DCBLD2: variants seen among roughly 807,000 people sequenced by gnomAD.
The protein encoded by DCBLD2 is discoidin, CUB and LCCL domain-containing protein 2.
A neutral mutation model predicts 86.8 loss-of-function variants in DCBLD2; 54 were observed. That is an observed-to-expected ratio of 0.62 (90% CI 0.50 to 0.78). DCBLD2 has a LOEUF of 0.78. DCBLD2 is among the 30% of genes least tolerant of loss of function. The probability of loss-of-function intolerance (pLI) is 0.00; values close to 1 mark genes in which losing one functional copy is unlikely to be tolerated. For synonymous variants in DCBLD2, 354 were observed against 341.3 expected (o/e 1.04, Z -0.41); for missense variants, 908 against 954.2 (o/e 0.95, Z 0.64).
intron 2 of DCBLD2, among the ~76,000 whole-genome samples, chr3:98,861,235 G>A (rs536653280): frequency 1.3e-5 from 2 of 152,190 alleles, no homozygotes; most frequent in South Asian, 2.1e-4. Flanking sequence ...CAAGTCCTTA[G>A]AGATCTACAA....
Position 98,901,243 on chromosome 3 carries a change from G to A in DCBLD2, c.84C>T (p.Ala28=), listed in dbSNP as rs779045400. The A allele has an allele frequency of 3.3e-6, 5 of 1,534,086 alleles. No individual in the cohort carries two copies. Among genetic ancestry groups the A allele is most frequent in the Non-Finnish European group, 3.5e-6 (4 of 1,146,238 alleles). ...GGAGGGAGCGGGAGAGGGGGAGCGC[G>A]GCCCAGGCGGGGGCGGCGGCCGCGG... The part of the protein sequence containing the change: ...VRAAAAAPAW[A]ALPLSRSLPP... Residue 28 remains alanine (A), a synonymous_variant, in exon 1 of 16, where the codon GCC becomes GCT. Coordinates refer to ENST00000326840, the MANE Select transcript of DCBLD2 (RefSeq NM_080927.4).
chr3:98,876,362 A>C (rs973339066), intron 2 of DCBLD2, among the ~76,000 whole-genome samples: 1 of 146,812 alleles, frequency 6.8e-6, no homozygotes, highest in Admixed American at 7.0e-5. Flanking sequence ...CTTTAAAAAT[A>C]AAAAAAAACT....
chr3:98,828,373 G>A (rs1057073347), intron 3 of DCBLD2, among the ~76,000 whole-genome samples: 4 of 151,982 alleles, frequency 2.6e-5, no homozygotes, highest in Non-Finnish European at 5.9e-5. Context: ...AAAAGACAAA[G>A]GAACCAATTT....
chr3:98,826,476 T>G (rs994121899), intron 3 of DCBLD2, among the ~76,000 whole-genome samples: 5 of 152,228 alleles, frequency 3.3e-5, no homozygotes, highest in Admixed American at 2.0e-4. Flanking sequence ...TCAAATTCCT[T>G]TAGCACACAG....
At chr3:98,800,005 C>T (rs540764934) in intron 15 of DCBLD2, among the ~76,000 whole-genome samples, 164 bp from the exon 16 acceptor site, 1 of 152,310 alleles carries the variant, frequency 6.6e-6, no homozygotes, top group South Asian at 2.1e-4. Context: ...ATTAAACATA[C>T]TGTCTAGTAC....
intron 5 of DCBLD2, 136 bp from the exon 6 acceptor site, chr3:98,822,497 T>C: frequency 7.7e-7 from 1 of 1,291,334 alleles, no homozygotes; most frequent in Admixed American, 2.8e-5. Context: ...AGATTATTGG[T>C]ACTGTAACAC....
intron 3 of DCBLD2, among the ~76,000 whole-genome samples, chr3:98,847,967 T>G (rs999354670): frequency 2.0e-4 from 31 of 152,324 alleles, no homozygotes; most frequent in African/African-American, 5.8e-4. Context: ...TTTATTCTAT[T>G]TGATAATCTT....
chr3:98,847,459 A>G (rs1301211724), intron 3 of DCBLD2, among the ~76,000 whole-genome samples: 1 of 152,130 alleles, frequency 6.6e-6, no homozygotes, highest in African/African-American at 2.4e-5. Flanking sequence ...TTTCCTTCTC[A>G]TTTACTATGA....
intron 1 of DCBLD2, among the ~76,000 whole-genome samples, chr3:98,888,966 T>C (rs1252150734): frequency 6.6e-6 from 1 of 152,028 alleles, no homozygotes; most frequent in Non-Finnish European, 1.5e-5. Flanking sequence ...TCAGCTCTCT[T>C]ACACCCACTG....
At chr3:98,879,487 C>G (rs1304613121) in intron 2 of DCBLD2, among the ~76,000 whole-genome samples, 1 of 151,854 alleles carries the variant, frequency 6.6e-6, no homozygotes, top group Non-Finnish European at 1.5e-5. Context: ...CCCGGGTTCA[C>G]GCCATTCTCC....
At chr3:98,818,456 G>C (rs551074972) in intron 8 of DCBLD2, among the ~76,000 whole-genome samples, 35 of 152,240 alleles carry the variant, frequency 2.3e-4, no homozygotes, top group Non-Finnish European at 1.5e-5. Flanking sequence ...CTTAAAAAAA[G>C]AGTCTCATTA....
intron 1 of DCBLD2, among the ~76,000 whole-genome samples, chr3:98,900,510 C>T (rs1559805010): frequency 6.6e-6 from 1 of 151,886 alleles, no homozygotes; most frequent in East Asian, 1.9e-4. Flanking sequence ...TCTGGAAAGG[C>T]TTACCTTTTT....
intron 3 of DCBLD2, among the ~76,000 whole-genome samples, chr3:98,833,532 C>T (rs1378825680): frequency 6.6e-6 from 1 of 152,152 alleles, no homozygotes; most frequent in African/African-American, 2.4e-5. Flanking sequence ...TGCTGAAGTT[C>T]TTGTGTTAGT....
At chr3:98,875,173 G>C (rs1475221976) in intron 2 of DCBLD2, among the ~76,000 whole-genome samples, 2 of 152,048 alleles carry the variant, frequency 1.3e-5, no homozygotes, top group South Asian at 2.1e-4. Context: ...TCCCTAGAAA[G>C]TGAATGATAA....
In DCBLD2 at chr3:98,883,247, T is replaced by C. The variant is rs72936668; in HGVS notation, c.206-1480A>G. Among the ~76,000 whole-genome samples the C allele has an allele frequency of 6.3e-3, 963 of 152,322 alleles. 10 individuals carry two copies. The highest frequency in any genetic ancestry group is 0.022 in the African/African-American group (906 of 41,562). The stretch of plus-strand genomic sequence containing the variant: ...AAGCTGAATATTTCTAAAAACACTA[T>C]GTACGAAAGATTATGCAGATTACTG... On this transcript the variant is annotated intron_variant, in intron 1 of 15. Coordinates refer to ENST00000326840, the MANE Select transcript of DCBLD2 (RefSeq NM_080927.4).
intron 3 of DCBLD2, among the ~76,000 whole-genome samples, chr3:98,847,651 C>T (rs1247329486): frequency 6.6e-6 from 1 of 152,160 alleles, no homozygotes; most frequent in African/African-American, 2.4e-5. Flanking sequence ...CTATAATTCC[C>T]AGTGCCCAGC....
At chr3:98,845,019 T>G (rs2470869) in intron 3 of DCBLD2, among the ~76,000 whole-genome samples, 2 of 151,978 alleles carry the variant, frequency 1.3e-5, no homozygotes, top group Admixed American at 1.3e-4. Flanking sequence ...GTTGAGATTA[T>G]GCTACTTTAG....
In DCBLD2 at chr3:98,797,774, G is replaced by T. The variant is rs997356135; in HGVS notation, c.*1598C>A. On this transcript the variant is annotated 3_prime_UTR_variant, in exon 16 of 16. Transcript: ENST00000326840. ...ATACTGATATAATTCATGGAAACAA[G>T]AAAACAAATACTGTTCATCTTTATT... The T allele has an allele frequency of 2.0e-5, 3 of 152,166 alleles. No homozygotes were observed. Among genetic ancestry groups the T allele is most frequent in the Non-Finnish European group, 2.9e-5 (2 of 68,022 alleles). 9.4% of individuals were successfully genotyped at this position (152,166 alleles called of 1,614,324 possible). A position where few individuals can be genotyped will look rare whatever the true frequency, so the allele number is the denominator to read the frequency against.
intron 3 of DCBLD2, among the ~76,000 whole-genome samples, chr3:98,836,723 G>A (rs1382771000): frequency 7.6e-5 from 3 of 39,560 alleles, no homozygotes. Context: ...CGGGCGGGGG[G>A]GCTGACCCCC....
Sources: allele counts gnomAD v4.1 joint callset (sites outside exome capture counted in the v4.1 genomes callset), GRCh38; gene constraint gnomAD v4.1.1; transcripts MANE v1.5; gene names NCBI Gene and HGNC (gene_info 2026-07-23, HGNC 2026-07-21).